Variants in KMT2B observed in about 807,000 individuals in gnomAD.
The protein encoded by KMT2B is lysine methyltransferase 2B.
In KMT2B, 22 loss-of-function variants were observed where a neutral mutation model predicts 255.3. The ratio of observed to expected loss-of-function variants is 0.09; its 90% CI spans 0.06 to 0.12. The LOEUF is 0.12. KMT2B is among the 10% of genes least tolerant of loss of function. The pLI is 1.00. For missense variants in KMT2B, 3,149 were observed against 3,737.0 expected, an observed-to-expected ratio of 0.84 and a Z score of 4.10; for synonymous variants, 1,730 against 1,498.1, an observed-to-expected ratio of 1.15 and a Z score of -3.57.
rs779453478 is a variant in KMT2B, at chr19:35,720,458, G to C, written c.1111G>C (p.Glu371Gln). The change falls in exon 3 of 37, where the codon GAA becomes CAA. Residue 371 changes from glutamate to glutamine, a missense_variant. Around this residue, in one of 18 missense-constraint regions of KMT2B, gnomAD observed 1,188 missense variants for 1,106.4 expected, o/e 1.07. Coordinates refer to ENST00000420124, the MANE Select transcript of KMT2B (RefSeq NM_014727.3). ...LDDEEEEKKE[E>Q]EEKDKEGEEK... ...TGACGAGGAAGAAGAGAAGAAAGAA[G>C]AAGAAGAAAAAGACAAGGAGGGAGA... 10 of 1,551,918 alleles carry C rather than the reference G, an allele frequency of 6.4e-6. No individual in the cohort carries two copies. Among genetic ancestry groups the C allele is most frequent in the Non-Finnish European group, 8.7e-6 (10 of 1,147,008 alleles).
Position 35,737,629 on chromosome 19 carries a change from C to A in KMT2B, c.7551-7C>A. 1 of 1,547,652 alleles carries A rather than the reference C, an allele frequency of 6.5e-7. No homozygotes were observed. The highest frequency in any genetic ancestry group is 8.7e-7 in the Non-Finnish European group (1 of 1,142,982). ...TATATTCCTCCTTCCCCTGCTGCCA[C>A]CTGCAGGAAGTGCACCTTTGACATG... On this transcript the variant is annotated splice_polypyrimidine_tract_variant and splice_region_variant and intron_variant, in intron 33 of 36. Coordinates refer to ENST00000420124, the MANE Select transcript of KMT2B (RefSeq NM_014727.3). This position sits in a 1 kb window ranked among gnomAD's most constrained non-coding sequence, Gnocchi z 5.3.
At chr19:35,731,876 T>G in intron 26 of KMT2B, 32 bp from the exon 27 acceptor site, 1 of 1,519,456 alleles carries the variant, frequency 6.6e-7, no homozygotes, top group Non-Finnish European at 9.1e-7. Flanking sequence ...ACAGAGCCCC[T>G]ACCACCCCAA....
At chr19:35,728,286 G>A in intron 19 of KMT2B, 115 bp downstream of exon 19, 2 of 901,846 alleles carry the variant, frequency 2.2e-6, no homozygotes, top group Non-Finnish European at 3.4e-6. Flanking sequence ...GAGCAGAGCT[G>A]GAGAGGAGGG....
chr19:35,726,177 C>T (rs931422179), intron 13 of KMT2B, 59 bp from the exon 14 acceptor site: 139 of 1,312,928 alleles, frequency 1.1e-4, no homozygotes, highest in South Asian at 4.8e-4. Context: ...GCCCGTCTCC[C>T]GCTCATGTTG....
At chr19:35,722,807 C>G (rs1442522935) in intron 5 of KMT2B, 89 bp downstream of exon 5, 1 of 1,492,072 alleles carries the variant, frequency 6.7e-7, no homozygotes, top group Non-Finnish European at 8.9e-7. Context: ...GAGAGGGAGC[C>G]AAGTCAGGTG....
At chr19:35,731,518 T>A (rs759711227) in intron 26 of KMT2B, among the ~76,000 whole-genome samples, 3 of 151,942 alleles carry the variant, frequency 2.0e-5, no homozygotes, top group Non-Finnish European at 2.9e-5. Context: ...TTTGCAGAGG[T>A]TGGGTGGAGC....
rs746054083 is a variant in KMT2B at position 35,733,381 on chromosome 19, G to T, written c.6832G>T (p.Val2278Phe). The T allele has an allele frequency of 6.5e-7, 1 of 1,537,352 alleles. No homozygotes were observed. Among genetic ancestry groups the T allele is most frequent in the Non-Finnish European group, 8.8e-7 (1 of 1,139,564 alleles). The change falls in exon 28 of 37, where the codon GTC (valine) becomes TTC (phenylalanine). Residue 2278 changes from valine (V) to phenylalanine (F), a missense_variant. Coordinates refer to ENST00000420124, the MANE Select transcript of KMT2B (RefSeq NM_014727.3). This position sits in a 1 kb window ranked among gnomAD's most constrained non-coding sequence, Gnocchi z 4.3. The part of the protein sequence containing the change: ...PASPPRQAIR[V>F]KRVSTFSGRS... ...CAGCCCGCCCCGCCAGGCCATCCGC[G>T]TCAAGAGGGTGTCCACTTTCTCCGG...
chr19:35,722,560 T>C lies in KMT2B; in HGVS notation c.2572-8T>C. 6.3e-7 allele frequency: 1 copy of C among 1,599,398 alleles called. No individual in the cohort carries two copies. Among genetic ancestry groups the C allele is most frequent in the South Asian group, 1.1e-5 (1 of 89,816 alleles). Reference sequence around the variant, plus strand: ...AGCTGCCCACACACACTCCGATTTCTCCCCCAGGGTCCCGAGTCCCCTGTG... The same window carrying C: ...AGCTGCCCACACACACTCCGATTTCCCCCCCAGGGTCCCGAGTCCCCTGTG... On this transcript the variant is annotated splice_polypyrimidine_tract_variant and splice_region_variant and intron_variant, in intron 4 of 36. Coordinates refer to ENST00000420124, the MANE Select transcript of KMT2B (RefSeq NM_014727.3).
In KMT2B at chr19:35,733,967, C is replaced by A; in HGVS notation, c.7159+95C>A. On this transcript the variant is annotated intron_variant, in intron 30 of 36. Coordinates refer to ENST00000420124, the MANE Select transcript of KMT2B (RefSeq NM_014727.3). The surrounding 1 kb of genome is among the most constrained non-coding windows in gnomAD (Gnocchi z 4.3). ...ATCAGCCCTCTTTCAAAACCAGTAT[C>A]TACTCCCAGGGGCCAAGCCTGAGGC... is the stretch of plus-strand genomic sequence containing the variant. The A allele has an allele frequency of 2.3e-6, 2 of 863,472 alleles. No individual in the cohort carries two copies. The highest frequency in any genetic ancestry group is 1.6e-5 in the South Asian group (1 of 62,794). 53.5% of individuals were successfully genotyped at this position (863,472 alleles called of 1,614,324 possible).
chr19:35,733,077 C>G lies in KMT2B; in HGVS notation c.6528C>G (p.Ser2176Arg), dbSNP rs1250491259. 3 of 1,570,944 alleles carry G rather than the reference C, an allele frequency of 1.9e-6. No individual in the cohort carries two copies. The highest frequency in any genetic ancestry group is 2.7e-5 in the African/African-American group (2 of 73,956). The change falls in exon 28 of 37, where the codon AGC becomes AGG. Residue 2176 changes from serine (S) to arginine (R), a missense_variant. Ser to Arg is a moderately radical substitution (Grantham distance 110, BLOSUM62 -1). Coordinates refer to ENST00000420124, the MANE Select transcript of KMT2B (RefSeq NM_014727.3). This position sits in a 1 kb window ranked among gnomAD's most constrained non-coding sequence, Gnocchi z 4.3. ...GGGCCCCAGGGGTCCGGGTGTTAAG[C>G]CTTGGCCCTGCCCCTGAGCCCCCCA... is the stretch of plus-strand genomic sequence containing the variant. ...LPGAPGVRVLSLGPAPEPPKP... is the reference protein window; with the variant it reads ...LPGAPGVRVLRLGPAPEPPKP...
chr19:35,729,254 C>T lies in KMT2B; in HGVS notation c.4875C>T (p.Ser1625=), dbSNP rs1478256827. Residue 1625 remains serine, a synonymous_variant, in exon 22 of 37, where the codon TCC becomes TCT. Coordinates refer to ENST00000420124, the MANE Select transcript of KMT2B (RefSeq NM_014727.3). ...SAEVFEENDG[S]LKNVHAAVAR... is the part of the protein sequence containing the mutation. ...AAGTCTTCGAGGAGAACGACGGCTC[C>T]CTCAAGAATGTGCATGCTGCTGTGG... The T allele has an allele frequency of 2.5e-6, 4 of 1,604,326 alleles. No homozygotes were observed. The highest frequency in any genetic ancestry group is 2.7e-5 in the African/African-American group (2 of 74,758).
In KMT2B at chr19:35,723,143, C is replaced by T. The variant is rs200235630; in HGVS notation, c.2871C>T (p.His957=). The change falls in exon 6 of 37, where the codon CAC becomes CAT. Residue 957 remains histidine (H), a synonymous_variant. Transcript: ENST00000420124. This position sits in a 1 kb window ranked among gnomAD's most constrained non-coding sequence, Gnocchi z 7.5. The part of the protein sequence containing the change: ...HTPRRSLPSH[H]GKKMRMARCG... ...CCCGGCGCTCACTGCCCTCCCATCA[C>T]GGCAAGAAGATGCGCATGGCTCGAT... 2.7e-4 allele frequency: 433 copies of T among 1,613,546 alleles called. No individual in the cohort carries two copies. Among genetic ancestry groups the T allele is most frequent in the African/African-American group, 1.6e-3 (118 of 75,046 alleles).
rs1187560479 is a variant in KMT2B, at chr19:35,718,272, C to T, written c.254C>T (p.Ala85Val). The change falls in exon 1 of 37, where the codon GCC becomes GTC. Residue 85 changes from alanine (A) to valine (V), a missense_variant. This residue lies in a region of KMT2B where 1,188 missense variants were observed against 1,106.4 expected (regional missense o/e 1.07). Transcript: ENST00000420124. This position sits in a 1 kb window ranked among gnomAD's most constrained non-coding sequence, Gnocchi z 5.0. ...CTGCGCCGGCTCCGCCGCCTGTGGGCCGGCCCGCGGGTCCAGCGGGGCCGG... is the reference window on the plus strand; with the variant it reads ...CTGCGCCGGCTCCGCCGCCTGTGGGTCGGCCCGCGGGTCCAGCGGGGCCGG... ...RGLRRLRRLW[A>V]GPRVQRGRGR... is the part of the protein sequence containing the mutation. 4 of 1,218,194 alleles carry T rather than the reference C, an allele frequency of 3.3e-6. No individual in the cohort carries two copies. The highest frequency in any genetic ancestry group is 3.2e-5 in the African/African-American group (2 of 63,208). 75.5% of individuals were successfully genotyped at this position (1,218,194 alleles called of 1,614,324 possible).
In KMT2B at chr19:35,718,294, C is replaced by A. The variant is rs1315438482; in HGVS notation, c.276C>A (p.Gly92=). 1 of 1,230,232 alleles carries A rather than the reference C, an allele frequency of 8.1e-7. No individual in the cohort carries two copies. The highest frequency in any genetic ancestry group is 1.0e-6 in the Non-Finnish European group (1 of 978,182). 76.2% of individuals were successfully genotyped at this position (1,230,232 alleles called of 1,614,324 possible). ...RLWAGPRVQR[G]RGRGRGRGWG... ...GGGCCGGCCCGCGGGTCCAGCGGGGCCGGGGACGGGGTCGGGGCCGGGGCT... is the reference window on the plus strand; with the variant it reads ...GGGCCGGCCCGCGGGTCCAGCGGGGACGGGGACGGGGTCGGGGCCGGGGCT... The change falls in exon 1 of 37, where the codon GGC becomes GGA. Residue 92 remains glycine (G), a synonymous_variant. Transcript: ENST00000420124. The surrounding 1 kb of genome is among the most constrained non-coding windows in gnomAD (Gnocchi z 5.0).
At position 35,725,848 on chromosome 19, in the gene KMT2B, G is replaced by A. The variant is rs772438462; in HGVS notation, c.3885+30G>A. ...GAGATGAGGTTCACCCACTTGCTTT[G>A]TCTCTAATGAATATCACCACCACCC... On this transcript the variant is annotated intron_variant, in intron 13 of 36. Coordinates refer to ENST00000420124, the MANE Select transcript of KMT2B (RefSeq NM_014727.3). This position sits in a 1 kb window ranked among gnomAD's most constrained non-coding sequence, Gnocchi z 4.1. 143 of 1,533,878 alleles carry A rather than the reference G, an allele frequency of 9.3e-5. No homozygotes were observed. The highest frequency in any genetic ancestry group is 1.2e-4 in the Non-Finnish European group (133 of 1,130,646).
chr19:35,725,025 A>C lies in KMT2B; in HGVS notation c.3466A>C (p.Asn1156His). 1.9e-6 allele frequency: 3 copies of C among 1,613,714 alleles called. No homozygotes were observed. The highest frequency in any genetic ancestry group is 1.7e-6 in the Non-Finnish European group (2 of 1,179,742). The change falls in exon 10 of 37, where the codon AAT becomes CAT. Residue 1156 changes from asparagine (N) to histidine (H), a missense_variant. Asn to His is a moderately conservative substitution (Grantham distance 68). This residue lies in a region of KMT2B where 136 missense variants were observed against 137.3 expected (regional missense o/e 0.99). Transcript: ENST00000420124. This position sits in a 1 kb window ranked among gnomAD's most constrained non-coding sequence, Gnocchi z 4.1. Reference protein sequence around the residue: ...LAPGPFASFPNGWTGKQKSPD... With the variant: ...LAPGPFASFPHGWTGKQKSPD... ...CCCTGGCCCCTTTGCTTCTTTTCCC[A>C]ATGGCTGGACTGGAAAGCAGAAGTC...
At position 35,723,507 on chromosome 19, in the gene KMT2B, C is replaced by G. The variant is rs929920443; in HGVS notation, c.3058+5C>G. On this transcript the variant is annotated splice_donor_5th_base_variant and intron_variant, in intron 7 of 36. Coordinates refer to ENST00000420124, the MANE Select transcript of KMT2B (RefSeq NM_014727.3). This position sits in a 1 kb window ranked among gnomAD's most constrained non-coding sequence, Gnocchi z 7.5. Reference sequence around the variant, plus strand: ...TGGAACGACTGGCTAAAAAAGGTGACGAGCTTTAAGGAGCATTTCTTCTCA... The same window carrying G: ...TGGAACGACTGGCTAAAAAAGGTGAGGAGCTTTAAGGAGCATTTCTTCTCA... 6.4e-7 allele frequency: 1 copy of G among 1,563,626 alleles called. No individual in the cohort carries two copies. Among genetic ancestry groups the G allele is most frequent in the Non-Finnish European group, 8.7e-7 (1 of 1,154,672 alleles).
Position 35,730,331 on chromosome 19 carries a change from C to A in KMT2B, c.5077-11C>A. 1 of 1,609,708 alleles carries A rather than the reference C, an allele frequency of 6.2e-7. No individual in the cohort carries two copies. Among genetic ancestry groups the A allele is most frequent in the Non-Finnish European group, 8.5e-7 (1 of 1,176,262 alleles). On this transcript the variant is annotated splice_polypyrimidine_tract_variant and intron_variant, in intron 23 of 36. Transcript: ENST00000420124. ...AATGCAGCCACCTCACTTTGCCACC[C>A]CCTCTTCCAGGAAATTGTGAACCCC...
At position 35,721,521 on chromosome 19, in the gene KMT2B, C is replaced by T; in HGVS notation, c.2174C>T (p.Pro725Leu). The change falls in exon 3 of 37, where the codon CCA becomes CTA. Residue 725 changes from proline to leucine, a missense_variant. This residue lies in a region of KMT2B where 1,188 missense variants were observed against 1,106.4 expected (regional missense o/e 1.07). Transcript: ENST00000420124. ...VKAEVSPHGA[P>L]ALSNGPQTQA... is the part of the protein sequence containing the mutation. ...GCCGAGGTGTCCCCTCACGGGGCTC[C>T]AGCTCTGAGCAACGGGCCACAGACA... 1 of 1,611,902 alleles carries T rather than the reference C, an allele frequency of 6.2e-7. No individual in the cohort carries two copies. The highest frequency in any genetic ancestry group is 1.3e-5 in the African/African-American group (1 of 75,026).
Sources: allele counts gnomAD v4.1 joint callset (sites outside exome capture counted in the v4.1 genomes callset), GRCh38; gene constraint gnomAD v4.1.1; regional missense constraint gnomAD v4.1.1; non-coding constraint Gnocchi (gnomAD v3.1); transcripts MANE v1.5; gene names NCBI Gene and HGNC (gene_info 2026-07-23, HGNC 2026-07-21).